KAT2B: variants seen among roughly 807,000 people sequenced by gnomAD.
KAT2B encodes the protein histone acetyltransferase KAT2B.
Under a neutral mutation model 105.9 loss-of-function variants are expected in KAT2B, and 36 were observed. The observed-to-expected ratio is 0.34, with a 90% CI of 0.26 to 0.45. The LOEUF (loss-of-function observed/expected upper bound fraction) is 0.45. Ranked by LOEUF, KAT2B falls within the 20% of genes least tolerant of loss-of-function variation. The probability of loss-of-function intolerance (pLI) is 1.00; values close to 1 mark genes in which losing one functional copy is unlikely to be tolerated. For synonymous variants in KAT2B, 397 were observed against 377.9 expected (o/e 1.05, Z -0.59); for missense variants, 820 against 1,021.6 (o/e 0.80, Z 2.69).
chr3:20,062,036 TTA>T (rs368153924), intron 1 of KAT2B, among the ~76,000 whole-genome samples: 4,441 of 74,728 alleles, frequency 0.059, 13 homozygotes, highest in East Asian at 0.16. Context: ...ATAATATATA[TTA>T]TATATAAAAC....
intron 1 of KAT2B, among the ~76,000 whole-genome samples, chr3:20,050,941 C>T (rs751471866): frequency 2.0e-5 from 3 of 151,998 alleles, no homozygotes; most frequent in African/African-American, 4.8e-5. Context: ...TGGCTCATGC[C>T]TATAATCCCA....
chr3:20,064,629 A>C (rs1380721582), intron 1 of KAT2B, among the ~76,000 whole-genome samples: 1 of 152,220 alleles, frequency 6.6e-6, no homozygotes, highest in Non-Finnish European at 1.5e-5. Flanking sequence ...GTGCATCTGC[A>C]GGGTAGAATG....
At chr3:20,122,305 C>T (rs780446583) in intron 8 of KAT2B, among the ~76,000 whole-genome samples, 50 of 152,228 alleles carry the variant, frequency 3.3e-4, no homozygotes, top group Non-Finnish European at 5.1e-4. Flanking sequence ...TCCATTTTGA[C>T]GTTTTGGTGT....
At chr3:20,104,550 A>G (rs182234714) in intron 5 of KAT2B, among the ~76,000 whole-genome samples, 6 of 152,312 alleles carry the variant, frequency 3.9e-5, no homozygotes, top group Non-Finnish European at 7.4e-5. Context: ...AATGGGTAAT[A>G]TTACTGGCTG....
chr3:20,143,361 T>A (rs56729913), intron 13 of KAT2B, among the ~76,000 whole-genome samples: 48,631 of 151,916 alleles, frequency 0.32, 8,703 homozygotes, highest in East Asian at 0.72. Flanking sequence ...GAATGGCTAT[T>A]ATTAAGAAGT....
intron 1 of KAT2B, among the ~76,000 whole-genome samples, chr3:20,067,141 G>T (rs1227032631): frequency 6.6e-6 from 1 of 152,072 alleles, no homozygotes; most frequent in African/African-American, 2.4e-5. Context: ...ATGAACAAAA[G>T]AAATAAAAAT....
At chr3:20,076,306 CG>C (rs1698418243) in intron 2 of KAT2B, among the ~76,000 whole-genome samples, 1 of 152,042 alleles carries the variant, frequency 6.6e-6, no homozygotes, top group South Asian at 2.1e-4. Flanking sequence ...TCTCAGGGTA[CG>C]GGGGGTATAG....
chr3:20,073,258 A>T, intron 2 of KAT2B, among the ~76,000 whole-genome samples: 1 of 152,150 alleles, frequency 6.6e-6, no homozygotes, highest in East Asian at 1.9e-4. Flanking sequence ...CAAAATGTCA[A>T]CAAGGCCAGT....
At chr3:20,053,011 A>C (rs1036833865) in intron 1 of KAT2B, among the ~76,000 whole-genome samples, 60 of 152,142 alleles carry the variant, frequency 3.9e-4, no homozygotes, top group African/African-American at 1.4e-3. Flanking sequence ...AGGTGCAGGG[A>C]GGTTTAGTAG....
At chr3:20,050,291 T>TA (rs1436432306) in intron 1 of KAT2B, among the ~76,000 whole-genome samples, 2 of 151,966 alleles carry the variant, frequency 1.3e-5, no homozygotes, top group Non-Finnish European at 2.9e-5. Flanking sequence ...AAGGAGTCAT[T>TA]AAAAAAAACT....
At chr3:20,135,390 C>T (rs982668158) in intron 11 of KAT2B, among the ~76,000 whole-genome samples, 7 of 152,134 alleles carry the variant, frequency 4.6e-5, no homozygotes, top group African/African-American at 1.4e-4. Flanking sequence ...CGCGGTGGCT[C>T]ACGCCTGTAA....
At chr3:20,119,811 A>G in intron 8 of KAT2B, 88 bp downstream of exon 8, 1 of 1,418,100 alleles carries the variant, frequency 7.1e-7, no homozygotes, top group Non-Finnish European at 9.7e-7. Flanking sequence ...ACTTGAACCA[A>G]GTACAGATTG....
At chr3:20,076,028 GTC>G (rs1458258442) in intron 2 of KAT2B, among the ~76,000 whole-genome samples, 3 of 151,954 alleles carry the variant, frequency 2.0e-5, no homozygotes, top group Non-Finnish European at 2.9e-5. Flanking sequence ...TAATAACCTG[GTC>G]TCTCTGGTGA....
At chr3:20,107,036 T>C (rs1699033223) in intron 5 of KAT2B, among the ~76,000 whole-genome samples, 1 of 84,734 alleles carries the variant, frequency 1.2e-5, no homozygotes, top group African/African-American at 4.5e-5. Flanking sequence ...TTTTTTTTTT[T>C]TTTTTTTTTT....
chr3:20,101,216 T>C, intron 4 of KAT2B, 71 bp from the exon 5 acceptor site: 1 of 1,237,130 alleles, frequency 8.1e-7, no homozygotes, highest in Non-Finnish European at 1.2e-6. Flanking sequence ...CCAATCATGC[T>C]GGCTGTGTGG....
At chr3:20,104,262 G>T (rs1698960351) in intron 5 of KAT2B, among the ~76,000 whole-genome samples, 1 of 152,104 alleles carries the variant, frequency 6.6e-6, no homozygotes, top group South Asian at 2.1e-4. Context: ...AAATGAATAT[G>T]CCCTAATGAG....
chr3:20,112,347 G>T (rs944307537), intron 6 of KAT2B, among the ~76,000 whole-genome samples: 1 of 152,098 alleles, frequency 6.6e-6, no homozygotes, highest in African/African-American at 2.4e-5. Context: ...TTGTAGAATA[G>T]GCATACTTTG....
At chr3:20,095,759 C>T (rs1698797568) in intron 3 of KAT2B, among the ~76,000 whole-genome samples, 1 of 152,174 alleles carries the variant, frequency 6.6e-6, no homozygotes, top group South Asian at 2.1e-4. Flanking sequence ...TTCTTCCCCT[C>T]ATGCAATATA....
rs1329439480 is a variant in KAT2B, at chr3:20,154,246, A to T, written c.*1721A>T. 6.6e-6 allele frequency: 1 copy of T among 152,642 alleles called. No homozygotes were observed. The highest frequency in any genetic ancestry group is 1.5e-5 in the Non-Finnish European group (1 of 68,022). The allele number at this position is 152,642 out of a possible 1,614,324, so 9.5% of individuals were successfully genotyped here. A position where few individuals can be genotyped will look rare whatever the true frequency, so the allele number is the denominator to read the frequency against. On this transcript the variant is annotated 3_prime_UTR_variant, in exon 18 of 18. Transcript: ENST00000263754. ...AAAGCATTTTTATGTTTTCTAATTT[A>T]AAAATTAATATTTTCTTATAGATAT...
Sources: gnomAD v4.1 joint callset for allele counts (sites outside exome capture counted in the v4.1 genomes callset) on GRCh38, gnomAD v4.1.1 for gene constraint, MANE v1.5 for transcripts, NCBI Gene and HGNC (gene_info 2026-07-23, HGNC 2026-07-21) for gene names.